Variants in PNPLA1 observed in about 807,000 individuals in gnomAD.
PNPLA1 encodes the protein omega-hydroxyceramide transacylase.
In PNPLA1, 36 loss-of-function variants were observed where a neutral mutation model predicts 51.7. The ratio of observed to expected loss-of-function variants is 0.70; its 90% CI spans 0.53 to 0.92. The LOEUF (loss-of-function observed/expected upper bound fraction) is 0.92. Among genes scored for constraint, PNPLA1 ranks in the 40% least tolerant of loss-of-function variants. PNPLA1 has a pLI of 0.00. For synonymous variants in PNPLA1, 293 were observed against 280.1 expected (o/e 1.05, Z -0.46); for missense variants, 658 against 682.5 (o/e 0.96, Z 0.40).
intron 1 of PNPLA1, among the ~76,000 whole-genome samples, chr6:36,272,979 T>C (rs952970987): frequency 6.6e-6 from 1 of 152,134 alleles, no homozygotes; most frequent in Non-Finnish European, 1.5e-5. Flanking sequence ...TAGAGGCCAG[T>C]TGCAGTGGCT....
intron 5 of PNPLA1, among the ~76,000 whole-genome samples, chr6:36,298,239 C>T (rs1770919800): frequency 6.6e-6 from 1 of 152,120 alleles, no homozygotes; most frequent in African/African-American, 2.4e-5. Flanking sequence ...TACCCAGTCC[C>T]CTGTTGATGG....
chr6:36,259,328 T>C (rs1769596922), intron 1 of PNPLA1, among the ~76,000 whole-genome samples: 1 of 152,206 alleles, frequency 6.6e-6, no homozygotes, highest in African/African-American at 2.4e-5. Flanking sequence ...GTTATTGCTT[T>C]GCAGGTTATC....
At chr6:36,260,119 C>T (rs1324101954) in intron 1 of PNPLA1, among the ~76,000 whole-genome samples, 1 of 151,810 alleles carries the variant, frequency 6.6e-6, no homozygotes, top group Non-Finnish European at 1.5e-5. Flanking sequence ...ACAGTGAGAC[C>T]CCATCTCTAC....
At chr6:36,292,905 A>G (rs1337584300) in intron 2 of PNPLA1, among the ~76,000 whole-genome samples, 156 bp from the exon 3 acceptor site, 1 of 152,218 alleles carries the variant, frequency 6.6e-6, no homozygotes, top group Non-Finnish European at 1.5e-5. Flanking sequence ...AGGCCAGGCC[A>G]GGAACTGAAC....
chr6:36,254,441 T>G (rs1171708803), intron 1 of PNPLA1, among the ~76,000 whole-genome samples: 1 of 152,046 alleles, frequency 6.6e-6, no homozygotes, highest in Non-Finnish European at 1.5e-5. Context: ...CCAGGCGTGG[T>G]GGGGTGCACC....
intron 1 of PNPLA1, among the ~76,000 whole-genome samples, chr6:36,261,201 A>C (rs1561849810): frequency 6.6e-6 from 1 of 152,242 alleles, no homozygotes; most frequent in African/African-American, 2.4e-5. Flanking sequence ...TTAATAACAA[A>C]TCCCTGTTGT....
At chr6:36,280,044 A>G (rs963928063) in intron 1 of PNPLA1, among the ~76,000 whole-genome samples, 1 of 151,500 alleles carries the variant, frequency 6.6e-6, no homozygotes, top group Non-Finnish European at 1.5e-5. Flanking sequence ...TGTCTCTACT[A>G]AAAATACAAA....
At chr6:36,295,175 C>T (rs1337450941) in intron 4 of PNPLA1, among the ~76,000 whole-genome samples, 189 bp from the exon 5 acceptor site, 2 of 152,296 alleles carry the variant, frequency 1.3e-5, no homozygotes, top group Non-Finnish European at 2.9e-5. Context: ...ATCACTGGGG[C>T]GTGTGATCAG....
intron 1 of PNPLA1, among the ~76,000 whole-genome samples, chr6:36,280,819 T>A (rs1770256053): frequency 6.6e-6 from 1 of 152,200 alleles, no homozygotes; most frequent in Admixed American, 6.5e-5. Context: ...AGGCAGGGTC[T>A]TTCTCTGTCA....
intron 1 of PNPLA1, among the ~76,000 whole-genome samples, chr6:36,276,725 C>T (rs1195835555): frequency 1.3e-5 from 2 of 151,880 alleles, no homozygotes; most frequent in South Asian, 2.1e-4. Context: ...CCAATCTGTC[C>T]GTCCCTTCGT....
chr6:36,291,236 A>G, intron 1 of PNPLA1, 84 bp from the exon 2 acceptor site: 1 of 976,102 alleles, frequency 1.0e-6, no homozygotes, highest in Non-Finnish European at 1.5e-6. Context: ...TTCAGAGATG[A>G]GTTGGAGAAA....
At chr6:36,273,975 T>C (rs768084157) in intron 1 of PNPLA1, among the ~76,000 whole-genome samples, 8 of 152,206 alleles carry the variant, frequency 5.3e-5, no homozygotes, top group African/African-American at 1.9e-4. Context: ...GAGGTATGTG[T>C]GGGACTCACG....
At position 36,282,091 on chromosome 6, in the gene PNPLA1, AGG is replaced by A. The variant is rs1491248107; in HGVS notation, c.206-9228_206-9227del. On this transcript the variant is annotated intron_variant, in intron 1 of 8. Transcript: ENST00000636260. ...AAAGAAAGAAAGAAAGAAAGAAAGA[AGG>A]AAGGAAGGAAGGAAGGAAGGAAGGA... 8.2e-3 allele frequency among the ~76,000 whole-genome samples: 1,012 copies of A among 122,818 alleles called. 13 individuals carry two copies. The highest frequency in any genetic ancestry group is 0.016 in the African/African-American group (485 of 31,104). 80.6% of individuals were successfully genotyped at this position (122,818 alleles called of 152,430 possible).
chr6:36,288,649 G>A (rs1444400914), intron 1 of PNPLA1, among the ~76,000 whole-genome samples: 11 of 151,572 alleles, frequency 7.3e-5, no homozygotes, highest in East Asian at 3.9e-4. Flanking sequence ...TAGTAGAGAC[G>A]GGGTTTCACC....
intron 5 of PNPLA1, among the ~76,000 whole-genome samples, chr6:36,295,691 A>C (rs1770839141): frequency 6.6e-6 from 1 of 152,230 alleles, no homozygotes; most frequent in South Asian, 2.1e-4. Context: ...ATGTATGCTT[A>C]TGAATGTAAA....
Position 36,301,901 on chromosome 6 carries a change from C to A in PNPLA1, c.816C>A (p.Phe272Leu), listed in dbSNP as rs1200873263. ...ATTCTTCCTCCAAGAGAGTGATTTTCCCCCGGGTGGAAGTGTACTGCCAGA... is the reference window on the plus strand; with the variant it reads ...ATTCTTCCTCCAAGAGAGTGATTTTACCCCGGGTGGAAGTGTACTGCCAGA... ...YLNSSSKRVI[F>L]PRVEVYCQIE... is the part of the protein sequence containing the mutation. Residue 272 changes from phenylalanine to leucine, a missense_variant, in exon 6 of 9, where the codon TTC becomes TTA. By Grantham distance (22) the Phe-to-Leu change is conservative. Transcript: ENST00000636260. 9 of 1,614,104 alleles carry A rather than the reference C, an allele frequency of 5.6e-6. No homozygotes were observed. The highest frequency in any genetic ancestry group is 2.5e-6 in the Non-Finnish European group (3 of 1,179,978).
At chr6:36,304,871 CATTTAGCAATGTCTGCA>C (rs916375121) in intron 6 of PNPLA1, among the ~76,000 whole-genome samples, 1 of 152,128 alleles carries the variant, frequency 6.6e-6, no homozygotes, top group Non-Finnish European at 1.5e-5. Flanking sequence ...CTCCAGGAGA[CATTTAGCAATGTCTGCA>C]GACATTTTGG....
intron 1 of PNPLA1, among the ~76,000 whole-genome samples, chr6:36,289,841 G>A (rs1043822389): frequency 1.3e-5 from 2 of 152,176 alleles, no homozygotes; most frequent in Non-Finnish European, 1.5e-5. Flanking sequence ...GGAATAATCG[G>A]TAAACCATAA....
chr6:36,253,036 C>T (rs1769456391), intron 1 of PNPLA1, among the ~76,000 whole-genome samples: 1 of 152,044 alleles, frequency 6.6e-6, no homozygotes, highest in East Asian at 1.9e-4. Context: ...AAAAATTAGC[C>T]GAGCGTGGTG....
Sources: allele counts gnomAD v4.1 joint callset (sites outside exome capture counted in the v4.1 genomes callset), GRCh38; gene constraint gnomAD v4.1.1; transcripts MANE v1.5; gene names NCBI Gene and HGNC (gene_info 2026-07-23, HGNC 2026-07-21).